The following SV2B variants were observed in gnomAD, a reference collection of about 807,000 sequenced individuals.
The protein encoded by SV2B is solute carrier family 22 member B2.
Under a neutral mutation model 73.9 loss-of-function variants are expected in SV2B, and 41 were observed. The observed-to-expected ratio is 0.56, with a 90% confidence interval of 0.43 to 0.72. The LOEUF is 0.72. Among genes scored for constraint, SV2B ranks in the 30% least tolerant of loss-of-function variants. The pLI is 0.00. For synonymous variants in SV2B, 314 were observed against 314.2 expected (o/e 1.00, Z 0.01); for missense variants, 764 against 857.8 (o/e 0.89, Z 1.37).
chr15:91,148,564 G>C (rs1311755890), intron 1 of SV2B, among the ~76,000 whole-genome samples: 1 of 152,140 alleles, frequency 6.6e-6, no homozygotes, highest in Non-Finnish European at 1.5e-5. Flanking sequence ...TAAAGTCATG[G>C]GAAAGTGAGA....
In SV2B at chr15:91,132,795, G is replaced by A. The variant is rs1212533508; in HGVS notation, c.-392+32432G>A. 2.6e-5 allele frequency among the ~76,000 whole-genome samples: 4 copies of A among 152,012 alleles called. No individual in the cohort carries two copies. Among genetic ancestry groups the A allele is most frequent in the African/African-American group, 4.8e-5 (2 of 41,440 alleles). On this transcript the variant is annotated intron_variant, in intron 1 of 12. Coordinates refer to ENST00000394232, the MANE Select transcript of SV2B (RefSeq NM_001323032.3). This position sits in a 1 kb window ranked among gnomAD's most constrained non-coding sequence, Gnocchi z 4.6. ...TTTGAGGCTGCAGTGAGCTATAGTC[G>A]CACCACTGCACTCCAGCCTGGGCAA...
intron 9 of SV2B, among the ~76,000 whole-genome samples, chr15:91,278,911 T>C (rs1281178784): frequency 6.6e-6 from 1 of 152,088 alleles, no homozygotes; most frequent in Non-Finnish European, 1.5e-5. Flanking sequence ...TTAAAATATT[T>C]ATGTGTGTGA....
chr15:91,279,024 T>C (rs1401411757), intron 9 of SV2B, among the ~76,000 whole-genome samples: 1 of 152,224 alleles, frequency 6.6e-6, no homozygotes, highest in Non-Finnish European at 1.5e-5. Context: ...GAAGAGTATA[T>C]ATGACATGCA....
At chr15:91,173,039 G>A (rs1224664601) in intron 1 of SV2B, among the ~76,000 whole-genome samples, 8 of 152,078 alleles carry the variant, frequency 5.3e-5, no homozygotes, top group African/African-American at 1.7e-4. Flanking sequence ...AGGAGACTGC[G>A]CTAGGGAGAA....
rs146380679 is a variant in SV2B at position 91,240,910 on chromosome 15, C to T, written c.452-10909C>T. Reference sequence around the variant, plus strand: ...TTGTACCATTGCTCTTTCTTGCTCCCCCTGGACATTTCCAGGCCATTCTCC... The same window carrying T: ...TTGTACCATTGCTCTTTCTTGCTCCTCCTGGACATTTCCAGGCCATTCTCC... On this transcript the variant is annotated intron_variant, in intron 2 of 12. Coordinates refer to ENST00000394232, the MANE Select transcript of SV2B (RefSeq NM_001323032.3). The surrounding 1 kb of genome is among the most constrained non-coding windows in gnomAD (Gnocchi z 4.6). 6.0e-4 allele frequency among the ~76,000 whole-genome samples: 92 copies of T among 152,284 alleles called. No individual in the cohort carries two copies. The highest frequency in any genetic ancestry group is 2.1e-3 in the African/African-American group (86 of 41,554).
chr15:91,148,872 T>G (rs894221029), intron 1 of SV2B, among the ~76,000 whole-genome samples: 4 of 152,194 alleles, frequency 2.6e-5, no homozygotes, highest in African/African-American at 7.2e-5. Context: ...TTCAATGAAC[T>G]GGATAAATCC....
chr15:91,230,244 T>TG (rs753611582), intron 2 of SV2B, among the ~76,000 whole-genome samples: 1 of 129,822 alleles, frequency 7.7e-6, no homozygotes, highest in African/African-American at 2.8e-5. Context: ...TTGTCTCATT[T>TG]AAAAAAAAAA....
intron 2 of SV2B, among the ~76,000 whole-genome samples, chr15:91,238,881 G>A (rs759216664): frequency 6.6e-6 from 1 of 152,030 alleles, no homozygotes; most frequent in Admixed American, 6.5e-5. Context: ...CCAGCAACCC[G>A]GTCAGACAGA....
chr15:91,277,121 ATGT>A (rs1342054943), intron 9 of SV2B, among the ~76,000 whole-genome samples: 1 of 152,002 alleles, frequency 6.6e-6, no homozygotes, highest in African/African-American at 2.4e-5. Flanking sequence ...TCTTGATATG[ATGT>A]TGTTTTACTC....
chr15:91,174,784 G>A (rs1355917666), intron 1 of SV2B, among the ~76,000 whole-genome samples: 1 of 152,230 alleles, frequency 6.6e-6, no homozygotes. Context: ...GCCACTCCTG[G>A]ATGGGCCAGT....
chr15:91,123,509 T>C lies in SV2B; in HGVS notation c.-392+23146T>C, dbSNP rs1268178628. On this transcript the variant is annotated intron_variant, in intron 1 of 12. Transcript: ENST00000394232. This position sits in a 1 kb window ranked among gnomAD's most constrained non-coding sequence, Gnocchi z 4.7. ...AGGTAGGCCATAAAACCACAGAGCC[T>C]GCACTTGGGTACCCCGGGAGAACTT... Among the ~76,000 whole-genome samples the C allele has an allele frequency of 6.6e-6, 1 of 152,168 alleles. No individual in the cohort carries two copies. Among genetic ancestry groups the C allele is most frequent in the South Asian group, 2.1e-4 (1 of 4,820 alleles).
rs529343513 is a variant in SV2B, at chr15:91,214,520, C to T, written c.-391-11353C>T. On this transcript the variant is annotated intron_variant, in intron 1 of 12. Transcript: ENST00000394232. The surrounding 1 kb of genome is among the most constrained non-coding windows in gnomAD (Gnocchi z 4.7). ...GAATCCTTATTATCCTCATTTCACACATGAAGAAACTGAAGCTTAAGGTTC... is the reference window on the plus strand; with the variant it reads ...GAATCCTTATTATCCTCATTTCACATATGAAGAAACTGAAGCTTAAGGTTC... Among the ~76,000 whole-genome samples, 1 of 152,174 alleles carries T rather than the reference C, an allele frequency of 6.6e-6. No homozygotes were observed. The highest frequency in any genetic ancestry group is 1.5e-5 in the Non-Finnish European group (1 of 68,040).
At position 91,300,858 on chromosome 15, in the gene SV2B, C is replaced by T. The variant is rs2049420451; in HGVS notation, c.*8306C>T. 1 of 152,200 alleles carries T rather than the reference C, an allele frequency of 6.6e-6. No individual in the cohort carries two copies. The highest frequency in any genetic ancestry group is 6.5e-5 in the Admixed American group (1 of 15,280). The allele number at this position is 152,200 out of a possible 1,614,324, so 9.4% of individuals were successfully genotyped here. A position where few individuals can be genotyped will look rare whatever the true frequency, so the allele number is the denominator to read the frequency against. The stretch of plus-strand genomic sequence containing the variant: ...ATTTCTCCAGGTATCCAGCTATCTC[C>T]AGGTGTGCGGTCCTGTGAAGCACTC... On this transcript the variant is annotated 3_prime_UTR_variant, in exon 13 of 13. Coordinates refer to ENST00000394232, the MANE Select transcript of SV2B (RefSeq NM_001323032.3).
At chr15:91,186,758 A>G (rs761163056) in intron 1 of SV2B, among the ~76,000 whole-genome samples, 2 of 152,186 alleles carry the variant, frequency 1.3e-5, no homozygotes, top group African/African-American at 4.8e-5. Context: ...TGTAATGAGT[A>G]CAATGTACAC....
intron 1 of SV2B, among the ~76,000 whole-genome samples, chr15:91,152,071 CTTTTTT>C (rs59094531): frequency 7.3e-6 from 1 of 137,296 alleles, no homozygotes. Context: ...AATTTTTACT[CTTTTTT>C]TTTTTTTTTG....
intron 1 of SV2B, among the ~76,000 whole-genome samples, chr15:91,210,098 C>G (rs192831792): frequency 6.6e-6 from 1 of 151,732 alleles, no homozygotes; most frequent in Non-Finnish European, 1.5e-5. Flanking sequence ...CACCCGGGGG[C>G]TGAGTCTATG....
chr15:91,211,748 C>T (rs564690050), intron 1 of SV2B, among the ~76,000 whole-genome samples: 21 of 151,560 alleles, frequency 1.4e-4, no homozygotes, highest in Admixed American at 2.0e-4. Flanking sequence ...ATAATCCACC[C>T]GCCTCAGCCT....
rs2042434583 is a variant in SV2B, at chr15:91,124,984, T to A, written c.-392+24621T>A. 6.6e-6 allele frequency among the ~76,000 whole-genome samples: 1 copy of A among 152,202 alleles called. No individual in the cohort carries two copies. ...ATTTATTTCTGGTGGTTTTGAAGGC[T>A]GGAAGTCCAAGGTCAGGGTGTGGTC... is the stretch of plus-strand genomic sequence containing the variant. On this transcript the variant is annotated intron_variant, in intron 1 of 12. Coordinates refer to ENST00000394232, the MANE Select transcript of SV2B (RefSeq NM_001323032.3). The surrounding 1 kb of genome is among the most constrained non-coding windows in gnomAD (Gnocchi z 4.6).
Position 91,197,771 on chromosome 15 carries a change from C to A in SV2B, c.-391-28102C>A, listed in dbSNP as rs1206306900. 6.6e-6 allele frequency among the ~76,000 whole-genome samples: 1 copy of A among 152,122 alleles called. No homozygotes were observed. Among genetic ancestry groups the A allele is most frequent in the African/African-American group, 2.4e-5 (1 of 41,438 alleles). On this transcript the variant is annotated intron_variant, in intron 1 of 12. Transcript: ENST00000394232. This position sits in a 1 kb window ranked among gnomAD's most constrained non-coding sequence, Gnocchi z 4.9. Reference sequence around the variant, plus strand: ...ATATGCAGCCAGGCCCGGTGGCCCACGCCTGTAATCCCAGCACTTTGGGAG... The same window carrying A: ...ATATGCAGCCAGGCCCGGTGGCCCAAGCCTGTAATCCCAGCACTTTGGGAG...
Sources: gnomAD v4.1 joint callset for allele counts (sites outside exome capture counted in the v4.1 genomes callset) on GRCh38, gnomAD v4.1.1 for gene constraint, Gnocchi (gnomAD v3.1) non-coding constraint, MANE v1.5 for transcripts, NCBI Gene and HGNC (gene_info 2026-07-23, HGNC 2026-07-21) for gene names.